Variants in BCKDHB observed in about 807,000 individuals in gnomAD.
BCKDHB encodes the protein branched chain keto acid dehydrogenase E1 subunit beta.
Under a neutral mutation model 48.5 loss-of-function variants are expected in BCKDHB, and 41 were observed. The observed-to-expected ratio is 0.85, with a 90% CI of 0.66 to 1.10. BCKDHB has a LOEUF of 1.10. Ranked by LOEUF, BCKDHB falls within the 50% of genes least tolerant of loss-of-function variation. BCKDHB has a pLI of 0.00. For synonymous variants in BCKDHB, 201 were observed against 174.8 expected (o/e 1.15, Z -1.18); for missense variants, 496 against 494.2 (o/e 1.00, Z -0.03).
chr6:80,384,646 C>T, the BCKDHB span, among the ~76,000 whole-genome samples: 1 of 152,134 alleles, frequency 6.6e-6, no homozygotes, highest in African/African-American at 2.4e-5. Flanking sequence ...TATGAGCCGC[C>T]GTGCCTGGCC....
chr6:80,133,534 T>C (rs967311891), intron 3 of BCKDHB, among the ~76,000 whole-genome samples: 2 of 152,182 alleles, frequency 1.3e-5, no homozygotes, highest in African/African-American at 2.4e-5. Context: ...ATGTATTGAT[T>C]AGGAGCAACA....
At position 80,257,417 on chromosome 6, in the gene BCKDHB, A is replaced by G. The variant is rs189824775; in HGVS notation, c.952-15718A>G. ...TTAATTAAAGATATATAATTCATAT[A>G]TATTCCTTAAAGATACATATATATA... On this transcript the variant is annotated intron_variant, in intron 8 of 9. Coordinates refer to ENST00000320393, the MANE Select transcript of BCKDHB (RefSeq NM_183050.4). 2.4e-4 allele frequency among the ~76,000 whole-genome samples: 28 copies of G among 117,356 alleles called. No homozygotes were observed. In the East Asian group the frequency reaches 7.2e-3, roughly 30 times the overall value. 77.0% of individuals were successfully genotyped at this position (117,356 alleles called of 152,430 possible). A position where few individuals can be genotyped will look rare whatever the true frequency, so the allele number is the denominator to read the frequency against.
chr6:80,303,732 A>G (rs541258425), intron 9 of BCKDHB, among the ~76,000 whole-genome samples: 2 of 152,170 alleles, frequency 1.3e-5, no homozygotes, highest in Admixed American at 6.5e-5. Flanking sequence ...GGCACAGCAA[A>G]TAGACCTAAG....
At chr6:80,145,896 G>A (rs1458851703) in intron 3 of BCKDHB, among the ~76,000 whole-genome samples, 1 of 152,088 alleles carries the variant, frequency 6.6e-6, no homozygotes, top group Admixed American at 6.6e-5. Context: ...TATTTTCCTG[G>A]TTACAGAGAC....
chr6:80,377,073 C>CT, the BCKDHB span, among the ~76,000 whole-genome samples: 3 of 141,356 alleles, frequency 2.1e-5, no homozygotes, highest in African/African-American at 7.9e-5. Flanking sequence ...AAGTCTCACT[C>CT]TGTCATGCCC....
At chr6:80,274,009 T>A (rs1777864396) in intron 9 of BCKDHB, among the ~76,000 whole-genome samples, 1 of 152,072 alleles carries the variant, frequency 6.6e-6, no homozygotes. Flanking sequence ...AACACTTTAC[T>A]TCTCTTTACT....
At chr6:80,372,677 A>C in the BCKDHB span, among the ~76,000 whole-genome samples, 1 of 152,082 alleles carries the variant, frequency 6.6e-6, no homozygotes, top group South Asian at 2.1e-4. Context: ...GGATTTTGTC[A>C]AATGCTTTTT....
intron 1 of BCKDHB, 29 bp from the exon 2 acceptor site, chr6:80,127,518 C>T (rs1272262244): frequency 3.2e-6 from 5 of 1,556,570 alleles, no homozygotes; most frequent in Middle Eastern, 1.7e-4. Flanking sequence ...TTACAACACA[C>T]GAAATGATTT....
intron 8 of BCKDHB, among the ~76,000 whole-genome samples, chr6:80,230,381 A>G (rs115302748): frequency 0.036 from 5,468 of 152,154 alleles, 316 homozygotes; most frequent in African/African-American, 0.12. Flanking sequence ...CTATATATAA[A>G]AAATACATGC....
At chr6:80,202,720 C>T (rs1191703123) in intron 7 of BCKDHB, among the ~76,000 whole-genome samples, 1 of 149,994 alleles carries the variant, frequency 6.7e-6, no homozygotes, top group African/African-American at 2.5e-5. Flanking sequence ...CCCTCCCTCC[C>T]TCCCTCTCTT....
the BCKDHB span, among the ~76,000 whole-genome samples, chr6:80,463,507 G>A: frequency 6.6e-6 from 1 of 152,294 alleles, no homozygotes; most frequent in South Asian, 2.1e-4. Context: ...AAGCAAAGAA[G>A]TGAGGAGTTT....
chr6:80,343,622 A>G (rs1238714179), intron 9 of BCKDHB, 42 bp from the exon 10 acceptor site: 2 of 1,598,966 alleles, frequency 1.3e-6, no homozygotes, highest in African/African-American at 2.7e-5. Context: ...TTCTGTGAGT[A>G]AAAAAAATTC....
At chr6:80,190,791 A>ATTTT (rs1773857898) in intron 6 of BCKDHB, among the ~76,000 whole-genome samples, 1 of 152,158 alleles carries the variant, frequency 6.6e-6, no homozygotes, top group African/African-American at 2.4e-5. Flanking sequence ...AAGCAAGTAA[A>ATTTT]CTGTATTTTC....
chr6:80,325,887 C>CA (rs1415737969), intron 9 of BCKDHB, among the ~76,000 whole-genome samples: 1 of 152,022 alleles, frequency 6.6e-6, no homozygotes, highest in Non-Finnish European at 1.5e-5. Flanking sequence ...TCCAAGTCAT[C>CA]AAAAAACAAC....
the BCKDHB span, among the ~76,000 whole-genome samples, chr6:80,450,034 G>A: frequency 6.6e-6 from 1 of 151,960 alleles, no homozygotes; most frequent in Non-Finnish European, 1.5e-5. Context: ...TCAAATAATT[G>A]CAGTCAATAG....
At chr6:80,307,556 A>G in intron 9 of BCKDHB, 1 of 984,686 alleles carries the variant, frequency 1.0e-6, no homozygotes, top group South Asian at 4.7e-5. Context: ...AGATGGGTCC[A>G]TGAATGACTA....
chr6:80,274,370 T>TTAGTA lies in BCKDHB; in HGVS notation c.1038+1149_1038+1150insTAGTA, dbSNP rs1777882515. Among the ~76,000 whole-genome samples the TTAGTA allele has an allele frequency of 2.6e-5, 4 of 152,010 alleles. No homozygotes were observed. In the South Asian group the frequency reaches 8.3e-4, roughly 31 times the overall value. ...TTTGTAGATTTATTGTTTTCCTAGT[T>TTAGTA]ACTATATCAATTAAAATTTAAAATG... On this transcript the variant is annotated intron_variant, in intron 9 of 9. Coordinates refer to ENST00000320393, the MANE Select transcript of BCKDHB (RefSeq NM_183050.4).
At chr6:80,206,660 A>T (rs187244561) in intron 8 of BCKDHB, among the ~76,000 whole-genome samples, 4 of 152,104 alleles carry the variant, frequency 2.6e-5, no homozygotes, top group African/African-American at 9.6e-5. Context: ...CTTATAACAT[A>T]TCGGACTCAG....
At chr6:80,322,085 T>A (rs1046383911) in intron 9 of BCKDHB, among the ~76,000 whole-genome samples, 1 of 152,180 alleles carries the variant, frequency 6.6e-6, no homozygotes. Flanking sequence ...AGCATTTATA[T>A]GTATATTACT....
Sources: gnomAD v4.1 joint callset for allele counts (sites outside exome capture counted in the v4.1 genomes callset) on GRCh38, gnomAD v4.1.1 for gene constraint, MANE v1.5 for transcripts, NCBI Gene and HGNC (gene_info 2026-07-23, HGNC 2026-07-21) for gene names.